The following ST18 variants were observed in gnomAD, a reference collection of about 807,000 sequenced individuals.
ST18 encodes suppression of tumorigenicity 18 protein.
Under a neutral mutation model 110.0 loss-of-function variants are expected in ST18, and 50 were observed. The observed-to-expected ratio is 0.45, with a 90% CI of 0.36 to 0.58. The LOEUF (loss-of-function observed/expected upper bound fraction) is 0.58. Ranked by LOEUF, ST18 falls within the 20% of genes least tolerant of loss-of-function variation. The pLI is 0.00. For missense variants in ST18, 1,306 were observed against 1,280.1 expected, an observed-to-expected ratio of 1.02 and a Z score of -0.31; for synonymous variants, 461 against 452.4, an observed-to-expected ratio of 1.02 and a Z score of -0.24.
chr8:52,331,012 A>C (rs1809072224), intron 2 of ST18, among the ~76,000 whole-genome samples: 1 of 152,098 alleles, frequency 6.6e-6, no homozygotes, highest in Non-Finnish European at 1.5e-5. Flanking sequence ...TTCCTGGTGA[A>C]CTGGGTCCCC....
In ST18 at chr8:52,172,565, G is replaced by A. The variant is rs778917634; in HGVS notation, c.296C>T (p.Pro99Leu). ...HSTAEEIMIKPMDESLLSTAQ... is the reference protein window; with the variant it reads ...HSTAEEIMIKLMDESLLSTAQ... ...AGTTGAAAGAAGACTTTCATCCATA[G>A]GTTTTATCATGATTTCCTCTATGGA... Residue 99 changes from proline (P) to leucine (L), a missense_variant, in exon 10 of 26, where the codon CCT (proline) becomes CTT (leucine). Coordinates refer to ENST00000689386, the MANE Select transcript of ST18 (RefSeq NM_001352837.2). 6.4e-7 allele frequency: 1 copy of A among 1,569,320 alleles called. No individual in the cohort carries two copies. The highest frequency in any genetic ancestry group is 2.3e-5 in the East Asian group (1 of 44,340).
chr8:52,221,312 C>A (rs2086647487), intron 4 of ST18, among the ~76,000 whole-genome samples: 2 of 152,090 alleles, frequency 1.3e-5, no homozygotes, highest in African/African-American at 2.4e-5. Flanking sequence ...TCTTTTGTTA[C>A]TTAGGGTTCT....
At chr8:52,375,678 C>G (rs903192234) in intron 2 of ST18, among the ~76,000 whole-genome samples, 1 of 152,188 alleles carries the variant, frequency 6.6e-6, no homozygotes, top group Admixed American at 6.5e-5. Flanking sequence ...TTTAAACACC[C>G]TCCGTATGCC....
intron 2 of ST18, among the ~76,000 whole-genome samples, chr8:52,238,705 C>T (rs2093029189): frequency 6.6e-6 from 1 of 151,986 alleles, no homozygotes; most frequent in Non-Finnish European, 1.5e-5. Context: ...ACCATCTCCT[C>T]TGTAGCAAGA....
intron 2 of ST18, among the ~76,000 whole-genome samples, chr8:52,371,746 T>C (rs1340806710): frequency 6.6e-6 from 1 of 152,158 alleles, no homozygotes. Context: ...AAGACTATAA[T>C]GGAGTTGGAA....
intron 2 of ST18, among the ~76,000 whole-genome samples, chr8:52,333,191 A>G (rs1158416598): frequency 2.0e-5 from 3 of 152,190 alleles, no homozygotes; most frequent in Non-Finnish European, 4.4e-5. Context: ...GGTATTAAAG[A>G]GGAAATTCTT....
intron 2 of ST18, among the ~76,000 whole-genome samples, chr8:52,304,062 A>G (rs1316175917): frequency 6.6e-6 from 1 of 152,210 alleles, no homozygotes; most frequent in Non-Finnish European, 1.5e-5. Context: ...ACACTTTACT[A>G]TTCATGCATG....
intron 23 of ST18, among the ~76,000 whole-genome samples, chr8:52,122,497 T>A (rs2045344469): frequency 6.6e-6 from 1 of 152,044 alleles, no homozygotes; most frequent in South Asian, 2.1e-4. Flanking sequence ...ATTTATTTAT[T>A]TTTTAGATGG....
intron 2 of ST18, among the ~76,000 whole-genome samples, chr8:52,302,487 C>T (rs143287141): frequency 1.3e-5 from 2 of 152,014 alleles, no homozygotes; most frequent in Admixed American, 6.5e-5. Context: ...AGAGTCTGTC[C>T]GCAGCCACAC....
At chr8:52,321,107 C>T (rs933873223) in intron 2 of ST18, among the ~76,000 whole-genome samples, 3 of 152,148 alleles carry the variant, frequency 2.0e-5, no homozygotes, top group Admixed American at 6.5e-5. Flanking sequence ...TTTTCAGTCA[C>T]ACAAAAGCAG....
chr8:52,239,469 G>A (rs1206301046), intron 2 of ST18, among the ~76,000 whole-genome samples: 1 of 152,090 alleles, frequency 6.6e-6, no homozygotes. Flanking sequence ...TTGAGTGCTG[G>A]CATCACACAG....
At chr8:52,184,791 A>C (rs1379011882) in intron 8 of ST18, among the ~76,000 whole-genome samples, 1 of 152,206 alleles carries the variant, frequency 6.6e-6, no homozygotes, top group East Asian at 1.9e-4. Flanking sequence ...AATAAAATGC[A>C]AAAATAAACA....
intron 17 of ST18, among the ~76,000 whole-genome samples, 200 bp downstream of exon 17, chr8:52,142,730 A>G (rs2055659160): frequency 6.6e-6 from 1 of 152,192 alleles, no homozygotes; most frequent in Non-Finnish European, 1.5e-5. Flanking sequence ...TTGTTTTTTA[A>G]TCAACAGGCT....
intron 2 of ST18, among the ~76,000 whole-genome samples, chr8:52,236,347 C>G (rs920101104): frequency 1.3e-5 from 2 of 152,302 alleles, no homozygotes; most frequent in African/African-American, 4.8e-5. Flanking sequence ...CGGTGGCTGA[C>G]TCCTGTAATC....
At chr8:52,116,500 A>G (rs1448627435) in intron 24 of ST18, 82 bp from the exon 25 acceptor site, 20 of 1,388,130 alleles carry the variant, frequency 1.4e-5, no homozygotes, top group Non-Finnish European at 2.0e-5. Flanking sequence ...AAAATGCACC[A>G]AGTGCATCTG....
chr8:52,293,556 C>T (rs2095588046), intron 2 of ST18, among the ~76,000 whole-genome samples: 1 of 152,174 alleles, frequency 6.6e-6, no homozygotes, highest in Non-Finnish European at 1.5e-5. Context: ...GCCAACATAA[C>T]ATTTGTCACA....
intron 2 of ST18, among the ~76,000 whole-genome samples, chr8:52,308,769 G>C (rs1162762853): frequency 1.3e-5 from 2 of 152,206 alleles, no homozygotes; most frequent in Non-Finnish European, 2.9e-5. Flanking sequence ...GGGAACAACT[G>C]GGGAGACACT....
intron 2 of ST18, among the ~76,000 whole-genome samples, chr8:52,306,025 T>A (rs1589765337): frequency 6.6e-6 from 1 of 152,358 alleles, no homozygotes; most frequent in South Asian, 2.1e-4. Context: ...CTCTGTGGCC[T>A]GACGTCCTCC....
chr8:52,118,557 A>T (rs2043404613), intron 23 of ST18, 116 bp from the exon 24 acceptor site: 1 of 560,780 alleles, frequency 1.8e-6, no homozygotes, highest in African/African-American at 1.9e-5. Flanking sequence ...TGTTTTTACC[A>T]AAACAATGCA....
Sources: allele counts gnomAD v4.1 joint callset (sites outside exome capture counted in the v4.1 genomes callset), GRCh38; gene constraint gnomAD v4.1.1; transcripts MANE v1.5; gene names NCBI Gene and HGNC (gene_info 2026-07-23, HGNC 2026-07-21).